THBS4: variants seen among roughly 807,000 people sequenced by gnomAD.
The protein encoded by THBS4 is thrombospondin 4.
THBS4 carries 90 observed loss-of-function variants against 115.7 expected under a neutral mutation model. That is an observed-to-expected ratio of 0.78 (90% CI 0.66 to 0.93). The LOEUF (loss-of-function observed/expected upper bound fraction) is 0.93. Ranked by LOEUF, THBS4 falls within the 40% of genes least tolerant of loss-of-function variation. The pLI is 0.00. For missense variants in THBS4, 1,087 were observed against 1,232.7 expected (o/e 0.88, Z 1.77); for synonymous variants, 460 against 479.3 (o/e 0.96, Z 0.53).
At chr5:80,075,070 A>T (rs1217513136) in intron 15 of THBS4, 1 of 152,164 alleles carries the variant, frequency 6.6e-6, no homozygotes, top group Admixed American at 6.5e-5. Context: ...TGCTTTAAAA[A>T]TCCTCTCTAG....
At chr5:80,027,920 A>C (rs1281219781) in intron 2 of THBS4, among the ~76,000 whole-genome samples, 1 of 147,716 alleles carries the variant, frequency 6.8e-6, no homozygotes, top group African/African-American at 2.5e-5. Context: ...AAAAAAAGGA[A>C]GAAAAAACCT....
Position 80,002,344 on chromosome 5 carries a change from A to C in THBS4, n.177+3917A>C, listed in dbSNP as rs576917092. On this transcript the variant is annotated intron_variant and non_coding_transcript_variant, in intron 2 of 3. Coordinates refer to the THBS4 transcript ENST00000510218. ...GAAAACAGAGGTTTCTCCTAGCCCTAGCATTGGAGACTGACATACCCTCAA... is the reference window on the plus strand; with the variant it reads ...GAAAACAGAGGTTTCTCCTAGCCCTCGCATTGGAGACTGACATACCCTCAA... Among the ~76,000 whole-genome samples, 82 of 152,152 alleles carry C rather than the reference A, an allele frequency of 5.4e-4. 1 individual carries two copies. Among genetic ancestry groups the C allele is most frequent in the Admixed American group, 2.6e-4 (4 of 15,274 alleles).
At position 80,035,452 on chromosome 5, in the gene THBS4, C is replaced by T; in HGVS notation, c.-86C>T. On this transcript the variant is annotated 5_prime_UTR_variant, in exon 1 of 22. Coordinates refer to ENST00000350881, the MANE Select transcript of THBS4 (RefSeq NM_003248.6). This position sits in a 1 kb window ranked among gnomAD's most constrained non-coding sequence, Gnocchi z 4.6. Reference sequence around the variant, plus strand: ...CTGCGGCGCCGGCCCGGGCGCCGACCGAGGTTCAACGCACGGCCCGGGGAC... The same window carrying T: ...CTGCGGCGCCGGCCCGGGCGCCGACTGAGGTTCAACGCACGGCCCGGGGAC... The T allele has an allele frequency of 1.0e-6, 1 of 986,440 alleles. No homozygotes were observed. The allele number at this position is 986,440 out of a possible 1,614,324, so 61.1% of individuals were successfully genotyped here.
intron 1 of THBS4, among the ~76,000 whole-genome samples, chr5:80,036,734 A>G (rs1375422541): frequency 1.3e-5 from 2 of 152,238 alleles, no homozygotes; most frequent in East Asian, 1.9e-4. Flanking sequence ...CTAACTGGTC[A>G]GGCGTGAGCT....
intron 2 of THBS4, among the ~76,000 whole-genome samples, chr5:80,055,459 A>G (rs768948942): frequency 3.1e-4 from 47 of 152,204 alleles, no homozygotes; most frequent in Non-Finnish European, 5.4e-4. Context: ...CTTTGCTTTC[A>G]GATTGGGTTC....
chr5:80,018,749 CTGTTT>C, intron 2 of THBS4, among the ~76,000 whole-genome samples: 1 of 152,162 alleles, frequency 6.6e-6, no homozygotes, highest in East Asian at 1.9e-4. Context: ...TTTCAAATGT[CTGTTT>C]TATTTCTTAA....
chr5:80,016,350 T>C (rs533902113), intron 2 of THBS4, among the ~76,000 whole-genome samples: 1 of 152,332 alleles, frequency 6.6e-6, no homozygotes, highest in South Asian at 2.1e-4. Context: ...CTTCCTCCCA[T>C]ATAACACCTA....
intron 2 of THBS4, among the ~76,000 whole-genome samples, chr5:80,002,319 G>A (rs938641921): frequency 6.6e-6 from 1 of 152,088 alleles, no homozygotes; most frequent in Non-Finnish European, 1.5e-5. Flanking sequence ...TGGGCCTAAT[G>A]AAAACAGAGG....
intron 8 of THBS4, among the ~76,000 whole-genome samples, chr5:80,062,573 T>C (rs1833672404): frequency 6.6e-6 from 1 of 152,218 alleles, no homozygotes; most frequent in Admixed American, 6.5e-5. Flanking sequence ...CTAGGGTACA[T>C]ATGCACAACG....
chr5:80,042,436 A>G (rs1161126024), intron 2 of THBS4, among the ~76,000 whole-genome samples: 1 of 152,212 alleles, frequency 6.6e-6, no homozygotes, highest in Non-Finnish European at 1.5e-5. Context: ...TGCAGAGTAA[A>G]AAACTGCTCC....
At chr5:79,996,095 C>T (rs1831788204) in intron 1 of THBS4, among the ~76,000 whole-genome samples, 2 of 152,064 alleles carry the variant, frequency 1.3e-5, no homozygotes, top group South Asian at 4.2e-4. Flanking sequence ...TAAGATCGTA[C>T]CACTGCACTC....
intron 2 of THBS4, among the ~76,000 whole-genome samples, chr5:80,014,675 A>G (rs907211874): frequency 2.0e-5 from 3 of 152,222 alleles, no homozygotes; most frequent in South Asian, 4.1e-4. Context: ...CATTTGGGGT[A>G]TGAGGAATGT....
intron 2 of THBS4, among the ~76,000 whole-genome samples, chr5:80,014,831 C>T (rs954222844): frequency 3.3e-5 from 5 of 152,152 alleles, no homozygotes; most frequent in Non-Finnish European, 5.9e-5. Context: ...GAAAGAGCAC[C>T]GGACCAGCAG....
chr5:80,061,596 G>C (rs770842534), intron 7 of THBS4, 99 bp from the exon 8 acceptor site: 12 of 1,406,472 alleles, frequency 8.5e-6, no homozygotes, highest in African/African-American at 1.4e-5. Context: ...TCCACCAAAA[G>C]ATAGTTAAAT....
At chr5:80,058,459 A>C (rs532192579) in intron 4 of THBS4, 145 bp downstream of exon 4, 257 of 679,732 alleles carry the variant, frequency 3.8e-4, no homozygotes, top group Non-Finnish European at 5.6e-4. Flanking sequence ...CTTGAACAAA[A>C]TCCAGGGCAC....
intron 2 of THBS4, among the ~76,000 whole-genome samples, chr5:80,045,813 G>C (rs576351481): frequency 6.6e-6 from 1 of 152,260 alleles, no homozygotes; most frequent in Non-Finnish European, 1.5e-5. Flanking sequence ...TTACAGCCGT[G>C]AGCAACCATG....
chr5:80,048,256 G>A (rs1166823925), intron 2 of THBS4, among the ~76,000 whole-genome samples: 1 of 152,192 alleles, frequency 6.6e-6, no homozygotes, highest in African/African-American at 2.4e-5. Flanking sequence ...ACAGATATTG[G>A]CTCTGTATTA....
At chr5:80,077,086 G>A (rs753319161) in intron 16 of THBS4, 38 bp downstream of exon 16, 1 of 1,499,560 alleles carries the variant, frequency 6.7e-7, no homozygotes, top group Non-Finnish European at 8.9e-7. Flanking sequence ...AGCACCCCTG[G>A]GCTCCCTTCA....
intron 2 of THBS4, among the ~76,000 whole-genome samples, chr5:80,023,014 C>A (rs1419882039): frequency 6.6e-6 from 1 of 152,070 alleles, no homozygotes; most frequent in African/African-American, 2.4e-5. Flanking sequence ...CATCAATTTC[C>A]TTAGTTGCAA....
Sources: gnomAD v4.1 joint callset for allele counts (sites outside exome capture counted in the v4.1 genomes callset) on GRCh38, gnomAD v4.1.1 for gene constraint, Gnocchi (gnomAD v3.1) non-coding constraint, MANE v1.5 for transcripts, NCBI Gene and HGNC (gene_info 2026-07-23, HGNC 2026-07-21) for gene names.